The following ABCA4 variants were observed in gnomAD, a reference collection of about 807,000 sequenced individuals.
The protein encoded by ABCA4 is ATP binding cassette subfamily A member 4.
In ABCA4, 196 loss-of-function variants were observed where a neutral mutation model predicts 263.7. The ratio of observed to expected loss-of-function variants is 0.74; its 90% confidence interval spans 0.66 to 0.84. The LOEUF (loss-of-function observed/expected upper bound fraction) is 0.84. Among genes scored for constraint, ABCA4 ranks in the 40% least tolerant of loss-of-function variants. The pLI is 0.00. For missense variants in ABCA4, 2,792 were observed against 2,855.1 expected (o/e 0.98, Z 0.50); for synonymous variants, 1,133 against 1,094.2 (o/e 1.04, Z -0.70).
intron 22 of ABCA4, 53 bp from the exon 23 acceptor site, chr1:94,041,455 T>G: frequency 6.3e-7 from 1 of 1,598,112 alleles, no homozygotes; most frequent in South Asian, 1.1e-5. Context: ...TTGGGCATTG[T>G]TGGTAAAGGG....
At chr1:94,084,649 A>C (rs1395925037) in intron 6 of ABCA4, among the ~76,000 whole-genome samples, 3 of 152,188 alleles carry the variant, frequency 2.0e-5, no homozygotes, top group Non-Finnish European at 4.4e-5. Flanking sequence ...TAGGTATGGG[A>C]GTTACAAAGC....
chr1:94,037,220 A>G lies in ABCA4; in HGVS notation c.3738T>C (p.Leu1246=). Reference sequence around the variant, plus strand: ...CCAGCGTCTCCTCCAGCTCTCTGAAAAGGCTGGCATATGCTCTGTGCTTGA... The same window carrying G: ...CCAGCGTCTCCTCCAGCTCTCTGAAGAGGCTGGCATATGCTCTGTGCTTGA... The part of the protein sequence containing the change: ...KNFKHRAYAS[L]FRELEETLAD... The change falls in exon 25 of 50, where the codon CTT becomes CTC. Residue 1246 remains leucine (L), a synonymous_variant. Coordinates refer to ENST00000370225, the MANE Select transcript of ABCA4 (RefSeq NM_000350.3). 1 of 1,614,224 alleles carries G rather than the reference A, an allele frequency of 6.2e-7. No homozygotes were observed. The highest frequency in any genetic ancestry group is 8.5e-7 in the Non-Finnish European group (1 of 1,180,042).
rs142620488 is a variant in ABCA4, at chr1:94,076,350, T to A, written c.1554+1340A>T. On this transcript the variant is annotated intron_variant, in intron 11 of 49. Transcript: ENST00000370225. ...GCAGAGGAGAGGGCCTGGCCAGAGA[T>A]GAAGCTGAGCAGAGGCGAGTAGAAA... 3.3e-5 allele frequency among the ~76,000 whole-genome samples: 5 copies of A among 152,228 alleles called. No homozygotes were observed. In the East Asian group the frequency reaches 9.7e-4, roughly 29 times the overall value.
chr1:94,102,968 G>A (rs1413604441), intron 5 of ABCA4, 47 bp downstream of exon 5: 8 of 1,613,562 alleles, frequency 5.0e-6, no homozygotes, highest in Admixed American at 1.7e-5. Flanking sequence ...CTCAGGCTGG[G>A]TGCTTCCCTC....
At chr1:94,038,654 C>T (rs916814889) in intron 24 of ABCA4, among the ~76,000 whole-genome samples, 3 of 152,162 alleles carry the variant, frequency 2.0e-5, no homozygotes, top group African/African-American at 7.2e-5. Flanking sequence ...TAATAGCTCT[C>T]CAGGGGTCAT....
At chr1:94,071,572 G>A (rs549130672) in intron 11 of ABCA4, among the ~76,000 whole-genome samples, 6 of 152,320 alleles carry the variant, frequency 3.9e-5, no homozygotes, top group African/African-American at 1.2e-4. Context: ...CTTTGAGTCT[G>A]TTTTTAATTC....
Position 94,041,383 on chromosome 1 carries a change from G to A in ABCA4, c.3348C>T (p.Ser1116=). 6.2e-7 allele frequency: 1 copy of A among 1,613,964 alleles called. No individual in the cohort carries two copies. Among genetic ancestry groups the A allele is most frequent in the East Asian group, 2.2e-5 (1 of 44,872 alleles). The change falls in exon 23 of 50, where the codon TCC becomes TCT. Residue 1116 remains serine, a synonymous_variant. Transcript: ENST00000370225. ...GGTCGGCCTCGTCCATGTGGTGAGTGGACATGATGATGGTTCTGCCTGCAA... is the reference window on the plus strand; with the variant it reads ...GGTCGGCCTCGTCCATGTGGTGAGTAGACATGATGATGGTTCTGCCTGCAA... The part of the protein sequence containing the change: ...KYRSGRTIIM[S]THHMDEADLL...
chr1:94,009,047 AG>A (rs1159877597), intron 40 of ABCA4, among the ~76,000 whole-genome samples, 176 bp from the exon 41 acceptor site: 1 of 152,028 alleles, frequency 6.6e-6, no homozygotes, highest in Non-Finnish European at 1.5e-5. Flanking sequence ...TTAGGTAGAG[AG>A]GTCAGGTGCT....
At chr1:94,012,543 T>G (rs1031202441) in intron 38 of ABCA4, among the ~76,000 whole-genome samples, 1 of 152,206 alleles carries the variant, frequency 6.6e-6, no homozygotes, top group Non-Finnish European at 1.5e-5. Flanking sequence ...TATTTTTTTG[T>G]CCTTCCTAAA....
intron 4 of ABCA4, 127 bp from the exon 5 acceptor site, chr1:94,103,269 C>T: frequency 8.3e-7 from 1 of 1,204,822 alleles, no homozygotes; most frequent in African/African-American, 1.5e-5. Context: ...CTTGGGGTCT[C>T]TGGGAGCCCC....
At chr1:94,105,932 G>A (rs566669167) in intron 4 of ABCA4, among the ~76,000 whole-genome samples, 1 of 152,222 alleles carries the variant, frequency 6.6e-6, no homozygotes, top group Non-Finnish European at 1.5e-5. Flanking sequence ...TCAAAGGTGG[G>A]CTCTTCTGCC....
rs1660475068 is a variant in ABCA4 at position 94,041,149 on chromosome 1, G to A, written c.3522+60C>T. The stretch of plus-strand genomic sequence containing the variant: ...GTGAGTAGCCATGTCTGGAGTGGCA[G>A]CCCCGTGCTGTGTGCTCCTTCTCAC... On this transcript the variant is annotated intron_variant, in intron 23 of 49. Coordinates refer to ENST00000370225, the MANE Select transcript of ABCA4 (RefSeq NM_000350.3). 5.1e-6 allele frequency: 8 copies of A among 1,571,124 alleles called. No individual in the cohort carries two copies. The South Asian group carries it at 7.8e-5, about 15-fold the overall frequency.
intron 6 of ABCA4, among the ~76,000 whole-genome samples, chr1:94,088,380 C>T (rs1661887148): frequency 1.3e-5 from 2 of 152,274 alleles, no homozygotes; most frequent in South Asian, 2.1e-4. Context: ...GCACACTCCC[C>T]GGATAGTCTC....
chr1:94,090,662 T>C (rs1661945546), intron 6 of ABCA4, among the ~76,000 whole-genome samples: 1 of 152,248 alleles, frequency 6.6e-6, no homozygotes, highest in Non-Finnish European at 1.5e-5. Context: ...TTTATTTTGG[T>C]TTGCTGTTAT....
intron 44 of ABCA4, among the ~76,000 whole-genome samples, chr1:94,004,864 G>A (rs1213049558): frequency 6.6e-6 from 1 of 152,056 alleles, no homozygotes; most frequent in Non-Finnish European, 1.5e-5. Flanking sequence ...GCAGACATAC[G>A]TTTACTTTCT....
rs539291529 is a variant in ABCA4 at position 94,118,664 on chromosome 1, C to T, written c.66+2316G>A. Among the ~76,000 whole-genome samples the T allele has an allele frequency of 3.4e-3, 513 of 152,328 alleles. 4 individuals carry two copies. Among genetic ancestry groups the T allele is most frequent in the Non-Finnish European group, 5.4e-3 (367 of 68,032 alleles). ...CTCAATTTCCAGGCCATCAGGATGG[C>T]ATCCAGTGAACGCCAGCCCAGACCA... On this transcript the variant is annotated intron_variant, in intron 1 of 49. Coordinates refer to ENST00000370225, the MANE Select transcript of ABCA4 (RefSeq NM_000350.3).
At chr1:94,043,277 T>G in intron 21 of ABCA4, 59 bp downstream of exon 21, 3 of 1,611,310 alleles carry the variant, frequency 1.9e-6, no homozygotes, top group Non-Finnish European at 2.5e-6. Flanking sequence ...GCCTCCTGGG[T>G]GCACTGGGGA....
chr1:94,097,903 C>T (rs1175115739), intron 6 of ABCA4, among the ~76,000 whole-genome samples: 1 of 152,214 alleles, frequency 6.6e-6, no homozygotes, highest in Non-Finnish European at 1.5e-5. Flanking sequence ...GCGCCCGCCA[C>T]CACACCTGGC....
intron 49 of ABCA4, among the ~76,000 whole-genome samples, chr1:93,994,314 A>G (rs1011667817): frequency 3.9e-5 from 6 of 152,354 alleles, no homozygotes; most frequent in Non-Finnish European, 7.3e-5. Flanking sequence ...ATCCCAAAAC[A>G]TGTTTTCCAG....
Sources: gnomAD v4.1 joint callset for allele counts (sites outside exome capture counted in the v4.1 genomes callset) on GRCh38, gnomAD v4.1.1 for gene constraint, MANE v1.5 for transcripts, NCBI Gene and HGNC (gene_info 2026-07-23, HGNC 2026-07-21) for gene names.